The following EGFL7 variants were observed in gnomAD, a reference collection of about 807,000 sequenced individuals.
The protein encoded by EGFL7 is EGF like domain multiple 7, also known as epidermal growth factor-like protein 7.
EGFL7 carries 48 observed loss-of-function variants against 37.1 expected under a neutral mutation model. The observed-to-expected ratio is 1.29, with a 90% CI of 1.03 to 1.65. EGFL7 has a LOEUF of 1.65. Among genes scored for constraint, EGFL7 ranks in the 40% most tolerant of loss-of-function variants. The pLI, the probability that EGFL7 is intolerant of heterozygous loss-of-function variation, is 0.00. For synonymous variants in EGFL7, 180 were observed against 156.8 expected (o/e 1.15, Z -1.10); for missense variants, 384 against 378.9 (o/e 1.01, Z -0.11).
At chr9:136,660,848 G>A (rs1286376320), upstream of EGFL7, among the ~76,000 whole-genome samples, 2 of 152,194 alleles carry the variant, frequency 1.3e-5, no homozygotes, top group African/African-American at 4.8e-5. Flanking sequence ...TCCCAGCCCT[G>A]TCCGGCCTCC....
intron 3 of EGFL7, among the ~76,000 whole-genome samples, chr9:136,665,419 G>A (rs1052697348): frequency 6.6e-6 from 1 of 152,208 alleles, no homozygotes; most frequent in Non-Finnish European, 1.5e-5. Flanking sequence ...TTTCAGCCTG[G>A]GGGGCTTGAA....
chr9:136,666,649 G>A lies in EGFL7; in HGVS notation c.-42-1592G>A, dbSNP rs780324899. On this transcript the variant is annotated intron_variant, in intron 3 of 10. Coordinates refer to ENST00000308874, the MANE Select transcript of EGFL7 (RefSeq NM_016215.5). The surrounding 1 kb of genome is among the most constrained non-coding windows in gnomAD (Gnocchi z 6.8). ...GTGGGGGGGAGCTGTGCCAATATGT[G>A]TGGGGGGCAATGAGGTCTGGGAGAT... Among the ~76,000 whole-genome samples the A allele has an allele frequency of 4.6e-5, 7 of 152,046 alleles. No individual in the cohort carries two copies. The South Asian group carries it at 8.3e-4, about 18-fold the overall frequency.
At chr9:136,663,159 C>G (rs1032904292) in intron 1 of EGFL7, 51 bp downstream of exon 1, 2 of 152,552 alleles carry the variant, frequency 1.3e-5, no homozygotes, top group Non-Finnish European at 2.9e-5. Flanking sequence ...GGCGGGCCCC[C>G]CATTCCCCTC....
At position 136,672,495 on chromosome 9, in the gene EGFL7, C is replaced by T. The variant is rs1845986734; in HGVS notation, c.*209C>T. 1.6e-6 allele frequency: 1 copy of T among 640,038 alleles called. No individual in the cohort carries two copies. The highest frequency in any genetic ancestry group is 2.7e-6 in the Non-Finnish European group (1 of 371,414). 39.6% of individuals were successfully genotyped at this position (640,038 alleles called of 1,614,324 possible). ...TGGGATCTTCTCTGTGAATCCACCC[C>T]TGGCTACCCCCACCCTGGCTACCCC... is the stretch of plus-strand genomic sequence containing the variant. On this transcript the variant is annotated 3_prime_UTR_variant, in exon 11 of 11. Transcript: ENST00000308874.
At chr9:136,660,165 C>T (rs901235288), upstream of EGFL7, among the ~76,000 whole-genome samples, 7 of 152,146 alleles carry the variant, frequency 4.6e-5, no homozygotes, top group African/African-American at 1.7e-4. Flanking sequence ...AGAGTGTGCT[C>T]CACCCATACC....
upstream of EGFL7, among the ~76,000 whole-genome samples, chr9:136,660,606 G>A (rs1016892606): frequency 9.9e-5 from 15 of 152,202 alleles, no homozygotes; most frequent in African/African-American, 3.4e-4. Context: ...CTCTGCCCTC[G>A]CCCCTTGCCT....
chr9:136,667,218 A>C (rs979151825), intron 3 of EGFL7, among the ~76,000 whole-genome samples: 1 of 152,056 alleles, frequency 6.6e-6, no homozygotes, highest in Non-Finnish European at 1.5e-5. Flanking sequence ...TGTGTGAGGA[A>C]ACTGAATCCC....
At position 136,666,454 on chromosome 9, in the gene EGFL7, C is replaced by T. The variant is rs1482472248; in HGVS notation, c.-43+1669C>T. The stretch of plus-strand genomic sequence containing the variant: ...CTGGTCCACCTGGCGCCGCCGCCCC[C>T]TCCCCGCCCGGCACCCCTGGGTCGA... On this transcript the variant is annotated intron_variant, in intron 3 of 10. Transcript: ENST00000308874. The surrounding 1 kb of genome is among the most constrained non-coding windows in gnomAD (Gnocchi z 6.8). 6.6e-6 allele frequency among the ~76,000 whole-genome samples: 1 copy of T among 152,140 alleles called. No homozygotes were observed. The highest frequency in any genetic ancestry group is 1.5e-5 in the Non-Finnish European group (1 of 68,000).
rs574267042 is a variant in EGFL7 at position 136,669,631 on chromosome 9, C to T, written c.223C>T (p.Arg75Cys). Residue 75 changes from arginine (R) to cysteine (C), a missense_variant, in exon 6 of 11, where the codon CGC becomes TGC. Physicochemically the swap from Arg to Cys is radical, Grantham distance 180. Coordinates refer to ENST00000308874, the MANE Select transcript of EGFL7 (RefSeq NM_016215.5). ...AACCATCTATAGGACCGCCTACCGCCGCAGCCCTGGGCTGGCCCCTGCCAG... is the reference window on the plus strand; with the variant it reads ...AACCATCTATAGGACCGCCTACCGCTGCAGCCCTGGGCTGGCCCCTGCCAG... ...YRTIYRTAYRRSPGLAPARPR... is the reference protein window; with the variant it reads ...YRTIYRTAYRCSPGLAPARPR... 1.9e-5 allele frequency: 31 copies of T among 1,611,352 alleles called. 1 individual carries two copies. Among genetic ancestry groups the T allele is most frequent in the South Asian group, 8.8e-5 (8 of 90,802 alleles).
At chr9:136,665,419 G>C (rs1052697348) in intron 3 of EGFL7, among the ~76,000 whole-genome samples, 2 of 152,208 alleles carry the variant, frequency 1.3e-5, no homozygotes, top group Non-Finnish European at 2.9e-5. Context: ...TTTCAGCCTG[G>C]GGGGCTTGAA....
chr9:136,665,769 C>T (rs951463182), intron 3 of EGFL7: 7 of 145,946 alleles, frequency 4.8e-5, no homozygotes, highest in African/African-American at 1.5e-4. Flanking sequence ...CCCCACGGCG[C>T]GGGCTCGGGC....
Position 136,669,676 on chromosome 9 carries a change from C to G in EGFL7, c.268C>G (p.Pro90Ala). ...APARPRYACC[P>A]GWKRTSGLPG... Reference sequence around the variant, plus strand: ...TGCCAGGCCTCGCTACGCGTGCTGCCCCGGCTGGAAGAGGACCAGCGGGCT... The same window carrying G: ...TGCCAGGCCTCGCTACGCGTGCTGCGCCGGCTGGAAGAGGACCAGCGGGCT... Residue 90 changes from proline to alanine, a missense_variant, in exon 6 of 11, where the codon CCC becomes GCC. Physicochemically the swap from Pro to Ala is conservative, Grantham distance 27. Transcript: ENST00000308874. 6.2e-7 allele frequency: 1 copy of G among 1,608,576 alleles called. No homozygotes were observed. Among genetic ancestry groups the G allele is most frequent in the Non-Finnish European group, 8.5e-7 (1 of 1,178,500 alleles).
intron 8 of EGFL7, 54 bp from the exon 9 acceptor site, chr9:136,670,896 G>A: frequency 6.7e-7 from 1 of 1,493,546 alleles, no homozygotes; most frequent in Non-Finnish European, 9.1e-7. Flanking sequence ...GGGAGCCTGG[G>A]GGTGTGGGTG....
Position 136,671,003 on chromosome 9 carries a change from C to A in EGFL7, c.625C>A (p.Leu209Met). The change falls in exon 9 of 11, where the codon CTG (leucine) becomes ATG (methionine). Residue 209 changes from leucine to methionine, a missense_variant. Coordinates refer to ENST00000308874, the MANE Select transcript of EGFL7 (RefSeq NM_016215.5). The part of the protein sequence containing the change: ...EVQRLQSRVD[L>M]LEEKLQLVLA... The stretch of plus-strand genomic sequence containing the variant: ...GCAGAGGCTGCAGTCCAGGGTGGAC[C>A]TGCTGGAGGAGGTGAGGCATTGGTG... 7.5e-7 allele frequency: 1 copy of A among 1,332,812 alleles called. No individual in the cohort carries two copies. Among genetic ancestry groups the A allele is most frequent in the Non-Finnish European group, 9.9e-7 (1 of 1,013,666 alleles). 82.6% of individuals were successfully genotyped at this position (1,332,812 alleles called of 1,614,324 possible).
Position 136,669,730 on chromosome 9 carries a change from T to C in EGFL7, c.313+9T>C. Reference sequence around the variant, plus strand: ...TGGGGCCTGTGGAGCAGGTGAGGGCTATGTCCCTCGGCGCCCGGTGTTAGG... The same window carrying C: ...TGGGGCCTGTGGAGCAGGTGAGGGCCATGTCCCTCGGCGCCCGGTGTTAGG... On this transcript the variant is annotated intron_variant, in intron 6 of 10. Transcript: ENST00000308874. 2 of 1,569,520 alleles carry C rather than the reference T, an allele frequency of 1.3e-6. No homozygotes were observed. Among genetic ancestry groups the C allele is most frequent in the South Asian group, 2.3e-5 (2 of 86,624 alleles).
At chr9:136,670,886 G>A (rs1043504527) in intron 8 of EGFL7, 64 bp from the exon 9 acceptor site, 2 of 1,452,402 alleles carry the variant, frequency 1.4e-6, no homozygotes, top group Admixed American at 4.0e-5. Flanking sequence ...GGGGACAGGA[G>A]GGAGCCTGGG....
intron 3 of EGFL7, chr9:136,665,767 C>G (rs1307377647): frequency 6.8e-6 from 1 of 146,012 alleles, no homozygotes; most frequent in African/African-American, 2.5e-5. Flanking sequence ...GCCCCCACGG[C>G]GCGGGCTCGG....
Position 136,672,524 on chromosome 9 carries a change from G to C in EGFL7, c.*238G>C. On this transcript the variant is annotated 3_prime_UTR_variant, in exon 11 of 11. Transcript: ENST00000308874. ...CTACCCCCACCCTGGCTACCCCAACGGCATCCCAAGGCCAGGTGGGCCCTC... is the reference window on the plus strand; with the variant it reads ...CTACCCCCACCCTGGCTACCCCAACCGCATCCCAAGGCCAGGTGGGCCCTC... The C allele has an allele frequency of 1.7e-6, 1 of 602,178 alleles. No homozygotes were observed. Among genetic ancestry groups the C allele is most frequent in the Non-Finnish European group, 2.9e-6 (1 of 339,552 alleles). 37.3% of individuals were successfully genotyped at this position (602,178 alleles called of 1,614,324 possible).
At position 136,662,931 on chromosome 9, in the gene EGFL7, C is replaced by T. The variant is rs577029779; in HGVS notation, c.-530C>T. The T allele has an allele frequency of 6.6e-6, 1 of 152,434 alleles. No individual in the cohort carries two copies. Among genetic ancestry groups the T allele is most frequent in the South Asian group, 2.1e-4 (1 of 4,836 alleles). The allele number at this position is 152,434 out of a possible 1,614,324, so 9.4% of individuals were successfully genotyped here. On this transcript the variant is annotated 5_prime_UTR_variant, in exon 1 of 11. Transcript: ENST00000308874. ...TCGCCCGGGGGGAGCCTCCCTGCAC[C>T]AAGCTGGCCCTGCACGGCTGCAAGG...
Sources: gnomAD v4.1 joint callset for allele counts (sites outside exome capture counted in the v4.1 genomes callset) on GRCh38, gnomAD v4.1.1 for gene constraint, Gnocchi (gnomAD v3.1) non-coding constraint, MANE v1.5 for transcripts, NCBI Gene and HGNC (gene_info 2026-07-23, HGNC 2026-07-21) for gene names.